GPC5: variants seen among roughly 807,000 people sequenced by gnomAD.
The protein encoded by GPC5 is glypican-5.
Under a neutral mutation model 53.9 loss-of-function variants are expected in GPC5, and 47 were observed. The ratio of observed to expected loss-of-function variants is 0.87; its 90% CI spans 0.69 to 1.11. The LOEUF is 1.11. Ranked by LOEUF, GPC5 falls within the 50% of genes most tolerant of loss-of-function variation. GPC5 has a pLI of 0.00. For synonymous variants in GPC5, 286 were observed against 263.3 expected (o/e 1.09, Z -0.84); for missense variants, 748 against 713.1 (o/e 1.05, Z -0.56).
intron 7 of GPC5, among the ~76,000 whole-genome samples, chr13:92,733,044 C>A (rs1430406830): frequency 2.0e-5 from 3 of 151,632 alleles, no homozygotes; most frequent in Non-Finnish European, 4.4e-5. Context: ...AATGTTCTTA[C>A]CAATACGGGA....
At chr13:92,094,592 C>G (rs1418275135) in intron 6 of GPC5, among the ~76,000 whole-genome samples, 1 of 146,312 alleles carries the variant, frequency 6.8e-6, no homozygotes, top group Non-Finnish European at 1.5e-5. Context: ...AAAAGAAAAT[C>G]TAAATTGACT....
intron 7 of GPC5, among the ~76,000 whole-genome samples, chr13:92,814,668 A>T (rs2138802742): frequency 6.6e-6 from 1 of 151,452 alleles, no homozygotes; most frequent in Admixed American, 6.6e-5. Flanking sequence ...CTCAAAAAAA[A>T]AAATAAAAAA....
intron 7 of GPC5, among the ~76,000 whole-genome samples, chr13:92,398,321 T>A (rs7321371): frequency 6.9e-6 from 1 of 144,756 alleles, no homozygotes; most frequent in African/African-American, 2.6e-5. Flanking sequence ...CCCAGCTACT[T>A]GGGAGGCTGA....
chr13:92,852,952 AACAAGC>A (rs1878864184), intron 7 of GPC5, among the ~76,000 whole-genome samples: 1 of 152,178 alleles, frequency 6.6e-6, no homozygotes, highest in African/African-American at 2.4e-5. Context: ...TAGGTTCCCT[AACAAGC>A]ACCTAAGTCA....
At position 91,939,548 on chromosome 13, in the gene GPC5, CAT is replaced by C. The variant is rs1208560940; in HGVS notation, c.1401+31492_1401+31493del. 2.6e-5 allele frequency among the ~76,000 whole-genome samples: 4 copies of C among 152,220 alleles called. No homozygotes were observed. In the East Asian group the frequency reaches 7.7e-4, roughly 29 times the overall value. Reference sequence around the variant, plus strand: ...AATTCTCTAAGTAGCTCTTGACTTACATGTGTATAGTTTTCCCAAGCATAGAG... The same window carrying C: ...AATTCTCTAAGTAGCTCTTGACTTACGTGTATAGTTTTCCCAAGCATAGAG... On this transcript the variant is annotated intron_variant, in intron 6 of 7. Transcript: ENST00000377067.
chr13:92,026,601 T>C (rs1432542028), intron 6 of GPC5, among the ~76,000 whole-genome samples: 6 of 151,938 alleles, frequency 3.9e-5, no homozygotes, highest in Non-Finnish European at 8.8e-5. Context: ...TATTTTATAA[T>C]TGAATTATAT....
Position 91,773,048 on chromosome 13 carries a change from A to G in GPC5, c.1280+16628A>G, listed in dbSNP as rs564206253. Among the ~76,000 whole-genome samples, 6 of 152,280 alleles carry G rather than the reference A, an allele frequency of 3.9e-5. No individual in the cohort carries two copies. In the East Asian group the frequency reaches 1.2e-3, roughly 29 times the overall value. ...AATGATGTGAGATTCTTGTTTGACT[A>G]TTTTAGAGCAGATTCGGTATCTAAT... is the stretch of plus-strand genomic sequence containing the variant. On this transcript the variant is annotated intron_variant, in intron 5 of 7. Transcript: ENST00000377067.
intron 5 of GPC5, among the ~76,000 whole-genome samples, chr13:91,894,440 A>G (rs2039420095): frequency 6.6e-6 from 1 of 152,162 alleles, no homozygotes; most frequent in African/African-American, 2.4e-5. Context: ...ACAAGCTTGG[A>G]GATTTCCCCA....
At chr13:92,142,013 T>C (rs1342362624) in intron 6 of GPC5, among the ~76,000 whole-genome samples, 2 of 152,030 alleles carry the variant, frequency 1.3e-5, no homozygotes, top group Non-Finnish European at 2.9e-5. Flanking sequence ...CATCTCATGC[T>C]TGGAATGTCT....
rs186702419 is a variant in GPC5 at position 92,059,387 on chromosome 13, G to T, written c.1402-85443G>T. Among the ~76,000 whole-genome samples, 71 of 152,140 alleles carry T rather than the reference G, an allele frequency of 4.7e-4. 1 individual carries two copies. In the Middle Eastern group the frequency reaches 0.017, roughly 37 times the overall value. On this transcript the variant is annotated intron_variant, in intron 6 of 7. Transcript: ENST00000377067. ...CTTGGCCAAGAAATAGATATTCATTGTTGAATATCAATGAATATATATCAG... is the reference window on the plus strand; with the variant it reads ...CTTGGCCAAGAAATAGATATTCATTTTTGAATATCAATGAATATATATCAG...
chr13:92,322,139 A>C (rs2043220243), intron 7 of GPC5, among the ~76,000 whole-genome samples: 2 of 152,106 alleles, frequency 1.3e-5, no homozygotes, highest in Non-Finnish European at 2.9e-5. Flanking sequence ...AACCTCTTTT[A>C]ATTCAAGTGA....
chr13:92,374,787 G>A (rs2139298730), intron 7 of GPC5, among the ~76,000 whole-genome samples: 1 of 146,824 alleles, frequency 6.8e-6, no homozygotes, highest in Admixed American at 6.9e-5. Context: ...GCACCAGCAT[G>A]GCACATGTAT....
At chr13:91,642,338 C>T (rs370086631) in intron 2 of GPC5, among the ~76,000 whole-genome samples, 14 of 152,174 alleles carry the variant, frequency 9.2e-5, no homozygotes, top group Admixed American at 2.6e-4. Context: ...GGAACAGAGG[C>T]GTAAACACAG....
intron 7 of GPC5, chr13:92,339,899 A>G (rs560254745): frequency 6.6e-6 from 1 of 152,282 alleles, no homozygotes; most frequent in South Asian, 2.1e-4. Context: ...AATGAATTAA[A>G]TGTATTTATG....
rs552836544 is a variant in GPC5 at position 91,412,054 on chromosome 13, G to A, written c.163+12845G>A. Among the ~76,000 whole-genome samples the A allele has an allele frequency of 2.4e-4, 36 of 152,154 alleles. 1 individual carries two copies. The highest frequency in any genetic ancestry group is 8.2e-4 in the African/African-American group (34 of 41,504). On this transcript the variant is annotated intron_variant, in intron 1 of 7. Coordinates refer to ENST00000377067, the MANE Select transcript of GPC5 (RefSeq NM_004466.6). ...CTTACCCCTTTTGTGAAGAGCATTGGCAACAGCTAGCTCTTTAGGCTTCAG... is the reference window on the plus strand; with the variant it reads ...CTTACCCCTTTTGTGAAGAGCATTGACAACAGCTAGCTCTTTAGGCTTCAG...
chr13:92,541,769 T>C (rs1326260982), intron 7 of GPC5, among the ~76,000 whole-genome samples: 1 of 151,952 alleles, frequency 6.6e-6, no homozygotes, highest in Non-Finnish European at 1.5e-5. Context: ...CATGTATGTC[T>C]ACTAGTCCAT....
At chr13:91,458,369 C>T (rs546465157) in intron 2 of GPC5, among the ~76,000 whole-genome samples, 22 of 152,176 alleles carry the variant, frequency 1.4e-4, no homozygotes, top group African/African-American at 5.1e-4. Context: ...TCACTGTCTT[C>T]CCACAGCCAA....
chr13:92,138,337 T>G lies in GPC5; in HGVS notation c.1402-6493T>G, dbSNP rs144284154. On this transcript the variant is annotated intron_variant, in intron 6 of 7. Transcript: ENST00000377067. ...AGATCGAAATCATCCTGGCAAAAAA[T>G]GGTGAAGCCCTGTCTCTACTAAAAA... Among the ~76,000 whole-genome samples the G allele has an allele frequency of 4.3e-4, 65 of 151,842 alleles. 1 individual carries two copies. The East Asian group carries it at 0.012, about 28-fold the overall frequency.
intron 7 of GPC5, among the ~76,000 whole-genome samples, chr13:92,640,479 C>A (rs1447414706): frequency 6.6e-6 from 1 of 152,132 alleles, no homozygotes; most frequent in Admixed American, 6.5e-5. Context: ...CCAGGATGGT[C>A]TCAGTCTCCT....
Sources: allele counts gnomAD v4.1 joint callset (sites outside exome capture counted in the v4.1 genomes callset), GRCh38; gene constraint gnomAD v4.1.1; transcripts MANE v1.5; gene names NCBI Gene and HGNC (gene_info 2026-07-23, HGNC 2026-07-21).